SCP2D1: variants seen among roughly 807,000 people sequenced by gnomAD.
The protein encoded by SCP2D1 is SCP2 sterol binding domain containing 1.
SCP2D1 carries 8 observed loss-of-function variants against 9.2 expected under a neutral mutation model. The observed-to-expected ratio is 0.87, with a 90% CI of 0.51 to 1.57. The LOEUF is 1.57. Ranked by LOEUF, SCP2D1 falls within the 40% of genes most tolerant of loss-of-function variation. The pLI is 0.00. For missense variants in SCP2D1, 199 were observed against 186.9 expected (o/e 1.06, Z -0.38); for synonymous variants, 68 against 70.2 (o/e 0.97, Z 0.16).
At position 18,813,932 on chromosome 20, in the gene SCP2D1, G is replaced by A. The variant is rs1415483523; in HGVS notation, c.117G>A (p.Leu39=). ...CTGCCATGCCACATCCTCTAGAGCT[G>A]TCAGAATTTGAGAGCTTCCCAGTGT... ...PEPAMPHPLE[L]SEFESFPVFQ... Residue 39 remains leucine (L), a synonymous_variant, in exon 1 of 1, where the codon CTG becomes CTA. Transcript: ENST00000377428. The A allele has an allele frequency of 6.2e-7, 1 of 1,614,168 alleles. No individual in the cohort carries two copies. The highest frequency in any genetic ancestry group is 2.2e-5 in the East Asian group (1 of 44,884).
In SCP2D1 at chr20:18,813,921, C is replaced by T. The variant is rs1225600097; in HGVS notation, c.106C>T (p.Pro36Ser). The T allele has an allele frequency of 6.2e-7, 1 of 1,614,050 alleles. No individual in the cohort carries two copies. Among genetic ancestry groups the T allele is most frequent in the Non-Finnish European group, 8.5e-7 (1 of 1,180,026 alleles). The change falls in exon 1 of 1, where the codon CCT becomes TCT. Residue 36 changes from proline (P) to serine (S), a missense_variant. Transcript: ENST00000377428. ...GSVPEPAMPH[P>S]LELSEFESFP... is the part of the protein sequence containing the mutation. Reference sequence around the variant, plus strand: ...AGTTCCAGAACCTGCCATGCCACATCCTCTAGAGCTGTCAGAATTTGAGAG... The same window carrying T: ...AGTTCCAGAACCTGCCATGCCACATTCTCTAGAGCTGTCAGAATTTGAGAG...
At position 18,814,164 on chromosome 20, in the gene SCP2D1, G is replaced by C; in HGVS notation, c.349G>C (p.Glu117Gln). The change falls in exon 1 of 1, where the codon GAG becomes CAG. Residue 117 changes from glutamate (E) to glutamine (Q), a missense_variant. By Grantham distance (29) the Glu-to-Gln change is conservative. Transcript: ENST00000377428. Reference sequence around the variant, plus strand: ...TACAATCCCGGAGTCTGTCTTTATGGAGCTGGTTTTGGGCAAAATGAACCC... The same window carrying C: ...TACAATCCCGGAGTCTGTCTTTATGCAGCTGGTTTTGGGCAAAATGAACCC... ...VFTIPESVFM[E>Q]LVLGKMNPQK... is the part of the protein sequence containing the mutation. The C allele has an allele frequency of 6.2e-7, 1 of 1,614,202 alleles. No individual in the cohort carries two copies. Among genetic ancestry groups the C allele is most frequent in the Admixed American group, 1.7e-5 (1 of 60,028 alleles).
chr20:18,814,341 T>C lies in SCP2D1; in HGVS notation c.*55T>C. 7.7e-7 allele frequency: 1 copy of C among 1,290,688 alleles called. No individual in the cohort carries two copies. Among genetic ancestry groups the C allele is most frequent in the Non-Finnish European group, 1.1e-6 (1 of 919,410 alleles). The allele number at this position is 1,290,688 out of a possible 1,614,324, so 80.0% of individuals were successfully genotyped here. On this transcript the variant is annotated 3_prime_UTR_variant, in exon 1 of 1. Transcript: ENST00000377428. Reference sequence around the variant, plus strand: ...CTTCGATGATAATGTCGAGTGGAAATCATGCTTAATCTGAAGATTAAAGTA... The same window carrying C: ...CTTCGATGATAATGTCGAGTGGAAACCATGCTTAATCTGAAGATTAAAGTA...
chr20:18,813,819 T>A lies in SCP2D1; in HGVS notation c.4T>A (p.Trp2Arg), dbSNP rs41308631. 0.011 allele frequency: 18,185 copies of A among 1,609,496 alleles called. 161 individuals are homozygous for A. Among genetic ancestry groups the A allele is most frequent in the Middle Eastern group, 0.016 (73 of 4,614 alleles). ...TCCAGGGGACTAGCACAGGAAGATGTGGAAGAGAAGTGACCATCAACCCAA... is the reference window on the plus strand; with the variant it reads ...TCCAGGGGACTAGCACAGGAAGATGAGGAAGAGAAGTGACCATCAACCCAA... MWKRSDHQPKIK... is the reference protein window; with the variant it reads MRKRSDHQPKIK... Residue 2 changes from tryptophan (W) to arginine (R), a missense_variant, in exon 1 of 1, where the codon TGG (tryptophan) becomes AGG (arginine). Physicochemically the swap from Trp to Arg is moderately radical, Grantham distance 101. Transcript: ENST00000377428.
rs1399432446 is a variant in SCP2D1, at chr20:18,814,186, AC to A, written c.374del (p.Pro125ArgfsTer12). 1 of 1,614,188 alleles carries A rather than the reference AC, an allele frequency of 6.2e-7. No individual in the cohort carries two copies. The highest frequency in any genetic ancestry group is 1.7e-5 in the Admixed American group (1 of 60,020). On this transcript the variant is annotated frameshift_variant, in exon 1 of 1. Transcript: ENST00000377428. LOFTEE classifies it high-confidence loss of function. Reference sequence around the variant, plus strand: ...ATGGAGCTGGTTTTGGGCAAAATGAACCCGCAGAAGGCTTTCCTTGCCGGAA... The same window carrying A: ...ATGGAGCTGGTTTTGGGCAAAATGAACCGCAGAAGGCTTTCCTTGCCGGAA... ...VFMELVLGKM[N>X]PQKAFLAGKF...
At position 18,813,897 on chromosome 20, in the gene SCP2D1, G is replaced by C; in HGVS notation, c.82G>C (p.Val28Leu). Reference protein sequence around the residue: ...LVGQFEVLGSVPEPAMPHPLE... With the variant: ...LVGQFEVLGSLPEPAMPHPLE... The stretch of plus-strand genomic sequence containing the variant: ...GGGCCAGTTCGAGGTTCTGGGTTCA[G>C]TTCCAGAACCTGCCATGCCACATCC... The change falls in exon 1 of 1, where the codon GTT becomes CTT. Residue 28 changes from valine (V) to leucine (L), a missense_variant. Val to Leu is a conservative substitution (Grantham distance 32). Coordinates refer to ENST00000377428, the MANE Select transcript of SCP2D1 (RefSeq NM_178483.3). 6.2e-7 allele frequency: 1 copy of C among 1,614,048 alleles called. No homozygotes were observed. The highest frequency in any genetic ancestry group is 8.5e-7 in the Non-Finnish European group (1 of 1,180,010).
Position 18,814,324 on chromosome 20 carries a change from A to T in SCP2D1, c.*38A>T. The T allele has an allele frequency of 2.8e-6, 4 of 1,453,656 alleles. No individual in the cohort carries two copies. Among genetic ancestry groups the T allele is most frequent in the Non-Finnish European group, 3.8e-6 (4 of 1,049,962 alleles). 90.0% of individuals were successfully genotyped at this position (1,453,656 alleles called of 1,614,324 possible). Reference sequence around the variant, plus strand: ...ACCAAGGAAGAACTTCTCTTCGATGATAATGTCGAGTGGAAATCATGCTTA... The same window carrying T: ...ACCAAGGAAGAACTTCTCTTCGATGTTAATGTCGAGTGGAAATCATGCTTA... On this transcript the variant is annotated 3_prime_UTR_variant, in exon 1 of 1. Coordinates refer to ENST00000377428, the MANE Select transcript of SCP2D1 (RefSeq NM_178483.3).
At position 18,813,988 on chromosome 20, in the gene SCP2D1, T is replaced by C; in HGVS notation, c.173T>C (p.Val58Ala). 1 of 1,614,016 alleles carries C rather than the reference T, an allele frequency of 6.2e-7. No individual in the cohort carries two copies. Residue 58 changes from valine to alanine, a missense_variant, in exon 1 of 1, where the codon GTG (valine) becomes GCG (alanine). Coordinates refer to ENST00000377428, the MANE Select transcript of SCP2D1 (RefSeq NM_178483.3). ...FQDIRLHIREVGAQLVKKVNA... is the reference protein window; with the variant it reads ...FQDIRLHIREAGAQLVKKVNA... The stretch of plus-strand genomic sequence containing the variant: ...GACATTAGGCTTCACATCAGGGAAG[T>C]GGGAGCTCAATTGGTCAAGAAAGTC...
rs1158953287 is a variant in SCP2D1, at chr20:18,814,187, C to T, written c.372C>T (p.Asn124=). 1 of 1,614,152 alleles carries T rather than the reference C, an allele frequency of 6.2e-7. No individual in the cohort carries two copies. Among genetic ancestry groups the T allele is most frequent in the Non-Finnish European group, 8.5e-7 (1 of 1,180,034 alleles). ...TGGAGCTGGTTTTGGGCAAAATGAA[C>T]CCGCAGAAGGCTTTCCTTGCCGGAA... ...VFMELVLGKM[N]PQKAFLAGKF... Residue 124 remains asparagine (N), a synonymous_variant, in exon 1 of 1, where the codon AAC becomes AAT. Transcript: ENST00000377428.
rs1213300317 is a variant in SCP2D1, at chr20:18,813,904, A to C, written c.89A>C (p.Glu30Ala). ...GQFEVLGSVP[E>A]PAMPHPLELS... ...TTCGAGGTTCTGGGTTCAGTTCCAG[A>C]ACCTGCCATGCCACATCCTCTAGAG... The change falls in exon 1 of 1, where the codon GAA becomes GCA. Residue 30 changes from glutamate to alanine, a missense_variant. Coordinates refer to ENST00000377428, the MANE Select transcript of SCP2D1 (RefSeq NM_178483.3). 2 of 1,614,100 alleles carry C rather than the reference A, an allele frequency of 1.2e-6. No individual in the cohort carries two copies. The highest frequency in any genetic ancestry group is 1.7e-4 in the Middle Eastern group (1 of 6,008).
In SCP2D1 at chr20:18,814,324, A is replaced by G. The variant is rs1034738817; in HGVS notation, c.*38A>G. 2.8e-6 allele frequency: 4 copies of G among 1,453,538 alleles called. No individual in the cohort carries two copies. Among genetic ancestry groups the G allele is most frequent in the African/African-American group, 1.4e-5 (1 of 70,960 alleles). The allele number at this position is 1,453,538 out of a possible 1,614,324, so 90.0% of individuals were successfully genotyped here. On this transcript the variant is annotated 3_prime_UTR_variant, in exon 1 of 1. Coordinates refer to ENST00000377428, the MANE Select transcript of SCP2D1 (RefSeq NM_178483.3). ...ACCAAGGAAGAACTTCTCTTCGATG[A>G]TAATGTCGAGTGGAAATCATGCTTA...
Position 18,813,799 on chromosome 20 carries a change from G to A in SCP2D1, c.-17G>A. 1 of 1,596,776 alleles carries A rather than the reference G, an allele frequency of 6.3e-7. No individual in the cohort carries two copies. The highest frequency in any genetic ancestry group is 8.6e-7 in the Non-Finnish European group (1 of 1,168,158). On this transcript the variant is annotated 5_prime_UTR_variant, in exon 1 of 1. Coordinates refer to ENST00000377428, the MANE Select transcript of SCP2D1 (RefSeq NM_178483.3). ...TCACAGACTAGATGGCAAGGTCCAG[G>A]GGACTAGCACAGGAAGATGTGGAAG...
Position 18,814,301 on chromosome 20 carries a change from C to A in SCP2D1, c.*15C>A, listed in dbSNP as rs1409208511. 1 of 1,552,772 alleles carries A rather than the reference C, an allele frequency of 6.4e-7. No individual in the cohort carries two copies. Among genetic ancestry groups the A allele is most frequent in the Non-Finnish European group, 8.9e-7 (1 of 1,129,592 alleles). ...CTAAATTTTAAGCATGCAAAAATAC[C>A]AAGGAAGAACTTCTCTTCGATGATA... On this transcript the variant is annotated 3_prime_UTR_variant, in exon 1 of 1. Coordinates refer to ENST00000377428, the MANE Select transcript of SCP2D1 (RefSeq NM_178483.3).
In SCP2D1 at chr20:18,814,143, A is replaced by G. The variant is rs1224274568; in HGVS notation, c.328A>G (p.Ile110Val). The change falls in exon 1 of 1, where the codon ATC (isoleucine) becomes GTC (valine). Residue 110 changes from isoleucine (I) to valine (V), a missense_variant. Physicochemically the swap from Ile to Val is conservative, Grantham distance 29. Coordinates refer to ENST00000377428, the MANE Select transcript of SCP2D1 (RefSeq NM_178483.3). ...ARLPADTVFTIPESVFMELVL... is the reference protein window; with the variant it reads ...ARLPADTVFTVPESVFMELVL... The stretch of plus-strand genomic sequence containing the variant: ...GCTCCCAGCAGACACTGTCTTTACA[A>G]TCCCGGAGTCTGTCTTTATGGAGCT... 1 of 1,614,186 alleles carries G rather than the reference A, an allele frequency of 6.2e-7. No homozygotes were observed. Among genetic ancestry groups the G allele is most frequent in the East Asian group, 2.2e-5 (1 of 44,876 alleles).
In SCP2D1 at chr20:18,814,225, G is replaced by C; in HGVS notation, c.410G>C (p.Ser137Thr). The C allele has an allele frequency of 6.2e-7, 1 of 1,614,166 alleles. No homozygotes were observed. The highest frequency in any genetic ancestry group is 8.5e-7 in the Non-Finnish European group (1 of 1,180,038). Residue 137 changes from serine (S) to threonine (T), a missense_variant, in exon 1 of 1, where the codon AGT (serine) becomes ACT (threonine). By Grantham distance (58) the Ser-to-Thr change is moderately conservative. Transcript: ENST00000377428. ...TTCCTTGCCGGAAAGTTCAAAGTGAGTGGCAAGGTTCTGCTTAGCTGGAAG... is the reference window on the plus strand; with the variant it reads ...TTCCTTGCCGGAAAGTTCAAAGTGACTGGCAAGGTTCTGCTTAGCTGGAAG... ...KAFLAGKFKV[S>T]GKVLLSWKLE...
chr20:18,814,233 G>T lies in SCP2D1; in HGVS notation c.418G>T (p.Val140Phe), dbSNP rs147618397. The change falls in exon 1 of 1, where the codon GTT becomes TTT. Residue 140 changes from valine (V) to phenylalanine (F), a missense_variant. Physicochemically the swap from Val to Phe is conservative, Grantham distance 50. Coordinates refer to ENST00000377428, the MANE Select transcript of SCP2D1 (RefSeq NM_178483.3). ...LAGKFKVSGK[V>F]LLSWKLERVF... ...CGGAAAGTTCAAAGTGAGTGGCAAGGTTCTGCTTAGCTGGAAGCTGGAAAG... is the reference window on the plus strand; with the variant it reads ...CGGAAAGTTCAAAGTGAGTGGCAAGTTTCTGCTTAGCTGGAAGCTGGAAAG... 48 of 1,614,028 alleles carry T rather than the reference G, an allele frequency of 3.0e-5. No homozygotes were observed. In the African/African-American group the frequency reaches 4.9e-4, roughly 17 times the overall value.
rs369013045 is a variant in SCP2D1, at chr20:18,814,331, C to A, written c.*45C>A. ...AAGAACTTCTCTTCGATGATAATGTCGAGTGGAAATCATGCTTAATCTGAA... is the reference window on the plus strand; with the variant it reads ...AAGAACTTCTCTTCGATGATAATGTAGAGTGGAAATCATGCTTAATCTGAA... On this transcript the variant is annotated 3_prime_UTR_variant, in exon 1 of 1. Coordinates refer to ENST00000377428, the MANE Select transcript of SCP2D1 (RefSeq NM_178483.3). 3 of 1,396,556 alleles carry A rather than the reference C, an allele frequency of 2.1e-6. No homozygotes were observed. The highest frequency in any genetic ancestry group is 1.4e-5 in the African/African-American group (1 of 69,800). 86.5% of individuals were successfully genotyped at this position (1,396,556 alleles called of 1,614,324 possible).
chr20:18,814,276 C>T lies in SCP2D1; in HGVS notation c.461C>T (p.Ala154Val). 2 of 1,608,502 alleles carry T rather than the reference C, an allele frequency of 1.2e-6. No individual in the cohort carries two copies. The highest frequency in any genetic ancestry group is 1.7e-6 in the Non-Finnish European group (2 of 1,176,230). ...WKLERVFKDW[A>V]KF is the part of the protein sequence containing the mutation. ...CTGGAAAGGGTTTTCAAAGACTGGG[C>T]TAAATTTTAAGCATGCAAAAATACC... The change falls in exon 1 of 1, where the codon GCT becomes GTT. Residue 154 changes from alanine to valine, a missense_variant. Coordinates refer to ENST00000377428, the MANE Select transcript of SCP2D1 (RefSeq NM_178483.3).
At position 18,814,173 on chromosome 20, in the gene SCP2D1, T is replaced by C. The variant is rs144056354; in HGVS notation, c.358T>C (p.Leu120=). ...IPESVFMELV[L]GKMNPQKAFL... ...GGAGTCTGTCTTTATGGAGCTGGTT[T>C]TGGGCAAAATGAACCCGCAGAAGGC... The change falls in exon 1 of 1, where the codon TTG becomes CTG. Residue 120 remains leucine, a synonymous_variant. Transcript: ENST00000377428. 1,391 of 1,614,194 alleles carry C rather than the reference T, an allele frequency of 8.6e-4. 14 individuals carry two copies. In the African/African-American group the frequency reaches 0.015, roughly 17 times the overall value.
Sources: gnomAD v4.1 joint callset for allele counts on GRCh38, gnomAD v4.1.1 for gene constraint, MANE v1.5 for transcripts, NCBI Gene and HGNC (gene_info 2026-07-23, HGNC 2026-07-21) for gene names.